The following CELF2 variants were observed in gnomAD, a reference collection of about 807,000 sequenced individuals.
The protein encoded by CELF2 is CUG triplet repeat RNA-binding protein 2.
In CELF2, 8 loss-of-function variants were observed where a neutral mutation model predicts 62.6. The observed-to-expected ratio is 0.13, with a 90% confidence interval of 0.07 to 0.23. The LOEUF (loss-of-function observed/expected upper bound fraction) is 0.23. Among genes scored for constraint, CELF2 ranks in the 10% least tolerant of loss-of-function variants. The pLI, the probability that CELF2 is intolerant of heterozygous loss-of-function variation, is 1.00. For missense variants in CELF2, 333 were observed against 671.0 expected (o/e 0.50, Z 5.56); for synonymous variants, 258 against 250.0 (o/e 1.03, Z -0.30).
At chr10:11,239,232 C>A (rs908140500) in intron 3 of CELF2, among the ~76,000 whole-genome samples, 1 of 151,764 alleles carries the variant, frequency 6.6e-6, no homozygotes, top group East Asian at 1.9e-4. Flanking sequence ...CTTGTTTTTT[C>A]CCCTTTGGTG....
chr10:10,550,313 TGCGGAA>T, the CELF2 span, among the ~76,000 whole-genome samples: 1 of 152,192 alleles, frequency 6.6e-6, no homozygotes, highest in Non-Finnish European at 1.5e-5. Context: ...AGACTGAGGA[TGCGGAA>T]GAGGAAGAGA....
chr10:10,612,290 G>A, the CELF2 span, among the ~76,000 whole-genome samples: 15 of 152,222 alleles, frequency 9.9e-5, no homozygotes, highest in East Asian at 9.7e-4. Flanking sequence ...CCCAGGCACC[G>A]GTGAAATTAT....
chr10:10,750,514 C>T, the CELF2 span, among the ~76,000 whole-genome samples: 35 of 152,284 alleles, frequency 2.3e-4, no homozygotes, highest in Non-Finnish European at 4.7e-4. Flanking sequence ...AGTATTTTAA[C>T]ATTTAAGAAA....
At chr10:10,681,617 A>AT in the CELF2 span, among the ~76,000 whole-genome samples, 9 of 152,104 alleles carry the variant, frequency 5.9e-5, no homozygotes, top group East Asian at 1.9e-4. Context: ...TGTTCTTTTG[A>AT]TTTTTTTTAA....
intron 2 of CELF2, among the ~76,000 whole-genome samples, chr10:11,190,214 AG>A (rs1383519110): frequency 1.3e-5 from 2 of 152,214 alleles, no homozygotes; most frequent in Non-Finnish European, 2.9e-5. Context: ...ACATGCTCTT[AG>A]AAATTTACAG....
chr10:10,562,450 C>T, the CELF2 span, among the ~76,000 whole-genome samples: 2 of 152,194 alleles, frequency 1.3e-5, no homozygotes, highest in Non-Finnish European at 2.9e-5. Context: ...CATTCTTCAG[C>T]ATATGTGCTA....
the CELF2 span, among the ~76,000 whole-genome samples, chr10:10,704,891 G>T: frequency 1.5e-5 from 2 of 132,208 alleles, no homozygotes; most frequent in African/African-American, 3.1e-5. Context: ...GCTTATATAA[G>T]ATTTTTTTTT....
Position 11,017,978 on chromosome 10 carries a change from GGCCGCCGGGGGA to G in CELF2, c.-110_-99del. 1.0e-6 allele frequency: 1 copy of G among 990,532 alleles called. No homozygotes were observed. The highest frequency in any genetic ancestry group is 1.2e-6 in the Non-Finnish European group (1 of 834,530). The allele number at this position is 990,532 out of a possible 1,614,324, so 61.4% of individuals were successfully genotyped here. On this transcript the variant is annotated 5_prime_UTR_variant, in exon 1 of 13. Coordinates refer to ENST00000633077, the MANE Select transcript of CELF2 (RefSeq NM_001326342.2). This position sits in a 1 kb window ranked among gnomAD's most constrained non-coding sequence, Gnocchi z 5.5. ...AGAATGTGACAAGTGCCGGCTCGGCGGCCGCCGGGGGAGGCCGCGCGCACCTGTCCCTGCCCG... is the reference window on the plus strand; with the variant it reads ...AGAATGTGACAAGTGCCGGCTCGGCGGGCCGCGCGCACCTGTCCCTGCCCG...
At chr10:11,056,173 C>T (rs2065194386) in intron 1 of CELF2, among the ~76,000 whole-genome samples, 1 of 152,150 alleles carries the variant, frequency 6.6e-6, no homozygotes, top group Non-Finnish European at 1.5e-5. Context: ...CTATATTCCA[C>T]AATTCTATAA....
At chr10:11,087,403 A>G (rs1190269253) in intron 1 of CELF2, among the ~76,000 whole-genome samples, 1 of 152,244 alleles carries the variant, frequency 6.6e-6, no homozygotes, top group Non-Finnish European at 1.5e-5. Flanking sequence ...AGGGGCAAAA[A>G]CCTGTGTCTT....
chr10:10,891,571 C>T (rs2062144467), intron 1 of CELF2, among the ~76,000 whole-genome samples: 1 of 151,934 alleles, frequency 6.6e-6, no homozygotes, highest in African/African-American at 2.4e-5. Context: ...TTCAAACGAA[C>T]AAACTGCTGC....
chr10:11,025,532 G>A lies in CELF2; in HGVS notation c.74+7369G>A, dbSNP rs114334607. ...CCTGGCTTCCCCTTCCCTTTCTGCC[G>A]TGATTGTAAGTTTCCTGAGGTCTCC... On this transcript the variant is annotated intron_variant, in intron 1 of 12. Coordinates refer to ENST00000633077, the MANE Select transcript of CELF2 (RefSeq NM_001326342.2). Among the ~76,000 whole-genome samples, 571 of 152,110 alleles carry A rather than the reference G, an allele frequency of 3.8e-3. 2 individuals carry two copies. Among genetic ancestry groups the A allele is most frequent in the African/African-American group, 0.013 (542 of 41,488 alleles).
At chr10:10,673,890 A>G in the CELF2 span, among the ~76,000 whole-genome samples, 2 of 152,186 alleles carry the variant, frequency 1.3e-5, no homozygotes, top group African/African-American at 4.8e-5. Flanking sequence ...GACAGCAGAT[A>G]TTATATGATT....
At chr10:11,248,829 T>C (rs947018737) in intron 3 of CELF2, among the ~76,000 whole-genome samples, 2 of 152,338 alleles carry the variant, frequency 1.3e-5, no homozygotes, top group African/African-American at 4.8e-5. Flanking sequence ...TGCATGGCTG[T>C]AATAAATGGC....
At chr10:10,558,446 A>G in the CELF2 span, among the ~76,000 whole-genome samples, 3 of 152,148 alleles carry the variant, frequency 2.0e-5, no homozygotes, top group South Asian at 2.1e-4. Context: ...CCAGTATTTT[A>G]TTGAGGACTT....
At chr10:11,138,382 A>T (rs1172097238) in intron 1 of CELF2, among the ~76,000 whole-genome samples, 1 of 152,212 alleles carries the variant, frequency 6.6e-6, no homozygotes, top group Non-Finnish European at 1.5e-5. Flanking sequence ...GTAGCTCTCA[A>T]CTGTCCCAGC....
rs562807066 is a variant in CELF2, at chr10:10,987,245, C to T, written c.89+67246C>T. 2.7e-4 allele frequency among the ~76,000 whole-genome samples: 39 copies of T among 142,742 alleles called. No individual in the cohort carries two copies. The South Asian group carries it at 8.2e-3, about 30-fold the overall frequency. 93.6% of individuals were successfully genotyped at this position (142,742 alleles called of 152,430 possible). On this transcript the variant is annotated intron_variant, in intron 2 of 13. Transcript: ENST00000636488. ...CAATAGTGAAAACATTGTAACAGCTCTCTAGAGATCTTTTTTTTTTTTTCA... is the reference window on the plus strand; with the variant it reads ...CAATAGTGAAAACATTGTAACAGCTTTCTAGAGATCTTTTTTTTTTTTTCA...
At chr10:11,109,156 G>A (rs1376562500) in intron 1 of CELF2, among the ~76,000 whole-genome samples, 1 of 152,170 alleles carries the variant, frequency 6.6e-6, no homozygotes, top group East Asian at 1.9e-4. Flanking sequence ...AGGGATTTTT[G>A]TGTTTCTGTT....
upstream of CELF2, among the ~76,000 whole-genome samples, chr10:10,794,504 A>C (rs1178795961): frequency 2.0e-5 from 3 of 152,232 alleles, no homozygotes; most frequent in Admixed American, 6.5e-5. Context: ...AGAAAACTGC[A>C]GTTTATAAGA....
Sources: allele counts gnomAD v4.1 joint callset (sites outside exome capture counted in the v4.1 genomes callset), GRCh38; gene constraint gnomAD v4.1.1; non-coding constraint Gnocchi (gnomAD v3.1); transcripts MANE v1.5; gene names NCBI Gene and HGNC (gene_info 2026-07-23, HGNC 2026-07-21).